The following ATRX variants were observed in gnomAD, a reference collection of about 807,000 sequenced individuals.
The protein encoded by ATRX is chromatin remodeler ATRX.
In ATRX, 12 loss-of-function variants were observed where a neutral mutation model predicts 172.6. The ratio of observed to expected loss-of-function variants is 0.07; its 90% CI spans 0.04 to 0.11. The LOEUF is 0.11. Among genes scored for constraint, ATRX ranks in the 10% least tolerant of loss-of-function variants. The probability of loss-of-function intolerance (pLI) is 1.00; values close to 1 mark genes in which losing one functional copy is unlikely to be tolerated. For missense variants in ATRX, 1,368 were observed against 1,767.4 expected, an observed-to-expected ratio of 0.77 and a Z score of 4.05; for synonymous variants, 674 against 594.7, an observed-to-expected ratio of 1.13 and a Z score of -1.94.
intron 19 of ATRX, among the ~76,000 whole-genome samples, chrX:77,627,376 G>A (rs1233385706): frequency 8.9e-6 from 1 of 112,130 alleles, no homozygotes; most frequent in Non-Finnish European, 1.9e-5. Flanking sequence ...AGATAGAAAT[G>A]TATATAACAT....
chrX:77,652,657 AT>A (rs1557117749), intron 14 of ATRX, among the ~76,000 whole-genome samples: 1 of 108,294 alleles, frequency 9.2e-6, no homozygotes, highest in East Asian at 2.9e-4. Flanking sequence ...AAAAAAAAAA[AT>A]TAGCCGGGCA....
chrX:77,745,635 T>G (rs2148862062), intron 1 of ATRX, among the ~76,000 whole-genome samples: 1 of 111,250 alleles, frequency 9.0e-6, no homozygotes, highest in South Asian at 3.8e-4. Flanking sequence ...GGTGGCACAG[T>G]GGGGATGGCT....
chrX:77,571,406 T>C (rs1419479965), intron 28 of ATRX, among the ~76,000 whole-genome samples: 1 of 111,909 alleles, frequency 8.9e-6, no homozygotes, highest in Non-Finnish European at 1.9e-5. Context: ...ATGTGACAAC[T>C]TGGATGGAAC....
intron 1 of ATRX, among the ~76,000 whole-genome samples, chrX:77,776,404 T>C (rs1415572249): frequency 8.9e-6 from 1 of 111,983 alleles, no homozygotes. Flanking sequence ...GTTTGGTGAA[T>C]GAATTAGTAC....
rs781935600 is a variant in ATRX at position 77,530,633 on chromosome X, C to CAAACAAACA, written c.6700-7233_6700-7232insTGTTTGTTT. Among the ~76,000 whole-genome samples the CAAACAAACA allele has an allele frequency of 3.1e-3, 326 of 106,285 alleles. 1 individual carries two copies. Among genetic ancestry groups the CAAACAAACA allele is most frequent in the African/African-American group, 8.6e-3 (252 of 29,188 alleles). 92.3% of individuals were successfully genotyped at this position (106,285 alleles called of 115,157 possible). A position where few individuals can be genotyped will look rare whatever the true frequency, so the allele number is the denominator to read the frequency against. ...CAAAACAAACAAACAAACAAACAAACAAACAAAACAAAACTAGAAAGATTT... is the reference window on the plus strand; with the variant it reads ...CAAAACAAACAAACAAACAAACAAACAAACAAACAAAACAAAACAAAACTAGAAAGATTT... On this transcript the variant is annotated intron_variant, in intron 30 of 34. Coordinates refer to ENST00000373344, the MANE Select transcript of ATRX (RefSeq NM_000489.6).
At chrX:77,686,546 T>C (rs1293435156) in intron 7 of ATRX, among the ~76,000 whole-genome samples, 1 of 109,157 alleles carries the variant, frequency 9.2e-6, no homozygotes, top group African/African-American at 3.3e-5. Context: ...CGAAACCCAG[T>C]CTCTACTAAA....
chrX:77,647,229 A>G (rs2068964271), intron 15 of ATRX, among the ~76,000 whole-genome samples: 2 of 112,165 alleles, frequency 1.8e-5, no homozygotes, highest in Admixed American at 9.5e-5. Context: ...ATGAAAGTTA[A>G]AACACAAAAT....
rs2148627951 is a variant in ATRX, at chrX:77,684,039, T to A, written c.1217A>T (p.His406Leu). The A allele has an allele frequency of 8.3e-7, 1 of 1,205,738 alleles. No homozygotes were observed. Among genetic ancestry groups the A allele is most frequent in the Non-Finnish European group, 1.1e-6 (1 of 889,767 alleles). The change falls in exon 9 of 35, where the codon CAT (histidine) becomes CTT (leucine). Residue 406 changes from histidine (H) to leucine (L), a missense_variant. This residue lies in a region of ATRX where 843 missense variants were observed against 643.1 expected (regional missense o/e 1.31). Coordinates refer to ENST00000373344, the MANE Select transcript of ATRX (RefSeq NM_000489.6). ...ATTTAAGTCTTCTTCCAATGCAAGATGAGCCTTCTTAATATCAGCCAACAC... is the reference window on the plus strand; with the variant it reads ...ATTTAAGTCTTCTTCCAATGCAAGAAGAGCCTTCTTAATATCAGCCAACAC... ...KSVLADIKKAHLALEEDLNSE... is the reference protein window; with the variant it reads ...KSVLADIKKALLALEEDLNSE...
intron 21 of ATRX, among the ~76,000 whole-genome samples, chrX:77,617,349 T>C (rs1005972982): frequency 6.3e-5 from 7 of 111,088 alleles, no homozygotes; most frequent in South Asian, 3.8e-4. Flanking sequence ...GTAGCAGCAA[T>C]ACAGAAACAG....
rs144290953 is a variant in ATRX at position 77,634,232 on chromosome X, T to TA, written c.4809+361dup. On this transcript the variant is annotated intron_variant, in intron 17 of 34. Coordinates refer to ENST00000373344, the MANE Select transcript of ATRX (RefSeq NM_000489.6). ...TAACATCATAAACCGTTAAAAGTTG[T>TA]AAAAAAAAAAAAAAAAAAAAAAAAG... 9.9e-3 allele frequency among the ~76,000 whole-genome samples: 536 copies of TA among 54,055 alleles called. 8 individuals are homozygous for TA. The highest frequency in any genetic ancestry group is 0.027 in the African/African-American group (365 of 13,281). 46.9% of individuals were successfully genotyped at this position (54,055 alleles called of 115,157 possible).
chrX:77,681,497 A>AT (rs782012577), intron 9 of ATRX, 23 bp downstream of exon 9: 2 of 1,196,232 alleles, frequency 1.7e-6, no homozygotes, highest in Non-Finnish European at 2.3e-6. Flanking sequence ...CAAATTATGA[A>AT]TTTTTTATTT....
At chrX:77,557,688 G>T (rs1463510181) in intron 29 of ATRX, 43 bp from the exon 30 acceptor site, 3 of 1,097,772 alleles carry the variant, frequency 2.7e-6, no homozygotes, top group Non-Finnish European at 3.7e-6. Context: ...ATAAAATTTT[G>T]TAAGCATGAA....
intron 15 of ATRX, among the ~76,000 whole-genome samples, chrX:77,643,241 GGAC>G (rs2068745968): frequency 9.1e-6 from 1 of 109,594 alleles, no homozygotes; most frequent in Non-Finnish European, 1.9e-5. Context: ...CTGGTGAGAA[GGAC>G]AACAAGAACA....
chrX:77,569,065 G>A lies in ATRX; in HGVS notation c.6326+5185C>T, dbSNP rs189540437. On this transcript the variant is annotated intron_variant, in intron 28 of 34. Transcript: ENST00000373344. ...GGAGTTCGAGGCTGCAGTGAGGTAT[G>A]ATCACACCACAGAACTCCAGTCATG... Among the ~76,000 whole-genome samples the A allele has an allele frequency of 2.9e-3, 320 of 110,735 alleles. 1 individual carries two copies. Among genetic ancestry groups the A allele is most frequent in the Non-Finnish European group, 4.7e-3 (251 of 52,894 alleles).
chrX:77,635,577 G>T (rs1321084710), intron 16 of ATRX, among the ~76,000 whole-genome samples: 1 of 112,253 alleles, frequency 8.9e-6, no homozygotes, highest in Admixed American at 9.4e-5. Flanking sequence ...TGCTGAAATA[G>T]CATTTTCTGA....
chrX:77,548,287 C>T (rs148732792), intron 30 of ATRX, among the ~76,000 whole-genome samples: 97 of 111,061 alleles, frequency 8.7e-4, no homozygotes, highest in Admixed American at 1.6e-3. Flanking sequence ...TTCTGATGCC[C>T]GTTATTTTTT....
In ATRX at chrX:77,604,705, A is replaced by C. The variant is rs781804621; in HGVS notation, c.5567-4141T>G. ...TAAAAAAAAAGATACTTGCACTTAC[A>C]TGTTTATTGTAGCACTATTCACAAT... On this transcript the variant is annotated intron_variant, in intron 22 of 34. Coordinates refer to ENST00000373344, the MANE Select transcript of ATRX (RefSeq NM_000489.6). Among the ~76,000 whole-genome samples the C allele has an allele frequency of 8.0e-5, 9 of 112,651 alleles. No homozygotes were observed. The East Asian group carries it at 2.5e-3, about 31-fold the overall frequency.
rs45608236 is a variant in ATRX, at chrX:77,599,604, C to A, written c.5787-24G>T. The A allele has an allele frequency of 0.01, 12,037 of 1,198,760 alleles. 835 individuals carry two copies. In the African/African-American group the frequency reaches 0.19, roughly 19 times the overall value. On this transcript the variant is annotated intron_variant, in intron 24 of 34. Coordinates refer to ENST00000373344, the MANE Select transcript of ATRX (RefSeq NM_000489.6). ...TTCTAAAAACAAACAAACAAACAAA[C>A]AAAAAAACACATTCAGATTGTTAGA...
At chrX:77,761,972 A>G (rs2075730899) in intron 1 of ATRX, among the ~76,000 whole-genome samples, 1 of 111,196 alleles carries the variant, frequency 9.0e-6, no homozygotes, top group Non-Finnish European at 1.9e-5. Context: ...GTTGTCACCA[A>G]TGGCAAGCAT....
Sources: gnomAD v4.1 joint callset for allele counts (sites outside exome capture counted in the v4.1 genomes callset) on GRCh38, gnomAD v4.1.1 for gene constraint, gnomAD v4.1.1 regional missense constraint, MANE v1.5 for transcripts, NCBI Gene and HGNC (gene_info 2026-07-23, HGNC 2026-07-21) for gene names.